Variants in TRIM44 observed in about 807,000 individuals in gnomAD.
TRIM44 encodes the protein tripartite motif containing 44, also known as tripartite motif-containing protein 44.
A neutral mutation model predicts 37.4 loss-of-function variants in TRIM44; 13 were observed. That is an observed-to-expected ratio of 0.35 (90% CI 0.23 to 0.55). The LOEUF (loss-of-function observed/expected upper bound fraction) is 0.55, where lower values mean the gene tolerates loss of function less well. Ranked by LOEUF, TRIM44 falls within the 20% of genes least tolerant of loss-of-function variation. The pLI, the probability that TRIM44 is intolerant of heterozygous loss-of-function variation, is 0.89. For synonymous variants in TRIM44, 175 were observed against 157.2 expected (o/e 1.11, Z -0.85); for missense variants, 426 against 437.2 (o/e 0.97, Z 0.23).
intron 4 of TRIM44, among the ~76,000 whole-genome samples, chr11:35,796,649 C>T (rs149683454): frequency 0.019 from 2,821 of 152,250 alleles, 48 homozygotes; most frequent in Non-Finnish European, 0.029. Flanking sequence ...GGAAAGGTTC[C>T]TTTCAGACCT....
chr11:35,795,412 G>T (rs1853269400), intron 4 of TRIM44, among the ~76,000 whole-genome samples: 1 of 151,954 alleles, frequency 6.6e-6, no homozygotes, highest in Non-Finnish European at 1.5e-5. Context: ...GGAGATGGTG[G>T]CAGCAGTGGA....
chr11:35,717,416 G>T (rs187348614), intron 2 of TRIM44, among the ~76,000 whole-genome samples: 33 of 152,098 alleles, frequency 2.2e-4, no homozygotes, highest in Admixed American at 5.2e-4. Context: ...TGGTGTCAAA[G>T]GTAGAAGTCA....
chr11:35,716,454 G>A (rs1399155316), intron 2 of TRIM44, among the ~76,000 whole-genome samples: 2 of 152,112 alleles, frequency 1.3e-5, no homozygotes, highest in East Asian at 1.9e-4. Context: ...TGTTTAGCAG[G>A]GAGTATTTGG....
intron 4 of TRIM44, among the ~76,000 whole-genome samples, chr11:35,791,685 C>T (rs555126210): frequency 1.1e-4 from 17 of 152,164 alleles, no homozygotes; most frequent in East Asian, 1.9e-4. Context: ...GCATACCCCC[C>T]GCTCCTTGCC....
intron 4 of TRIM44, among the ~76,000 whole-genome samples, chr11:35,786,720 A>G (rs1853134836): frequency 6.6e-6 from 1 of 152,140 alleles, no homozygotes. Context: ...AATGATACCT[A>G]TTATAATGCA....
chr11:35,704,738 C>T (rs1851849517), intron 2 of TRIM44, among the ~76,000 whole-genome samples: 1 of 152,148 alleles, frequency 6.6e-6, no homozygotes, highest in South Asian at 2.1e-4. Flanking sequence ...ACCAGGCCTG[C>T]CTTACAAGAG....
chr11:35,773,833 G>T (rs1169462824), intron 4 of TRIM44, among the ~76,000 whole-genome samples: 1 of 152,134 alleles, frequency 6.6e-6, no homozygotes, highest in African/African-American at 2.4e-5. Context: ...AGTATCCCGT[G>T]GTGTATATGT....
intron 2 of TRIM44, 39 bp downstream of exon 2, chr11:35,685,375 A>G (rs1851563389): frequency 6.4e-7 from 1 of 1,557,896 alleles, no homozygotes. Flanking sequence ...TTGGTACCCC[A>G]AGCATTTCAT....
At chr11:35,749,342 C>T (rs1276874806) in intron 4 of TRIM44, among the ~76,000 whole-genome samples, 1 of 152,140 alleles carries the variant, frequency 6.6e-6, no homozygotes, top group Non-Finnish European at 1.5e-5. Context: ...AAAACTTACC[C>T]AGTCCTTCTG....
rs1851286502 is a variant in TRIM44 at position 35,662,952 on chromosome 11, G to A, written c.-160G>A. The A allele has an allele frequency of 1.6e-6, 2 of 1,265,602 alleles. No individual in the cohort carries two copies. The highest frequency in any genetic ancestry group is 2.0e-6 in the Non-Finnish European group (2 of 975,960). The allele number at this position is 1,265,602 out of a possible 1,614,324, so 78.4% of individuals were successfully genotyped here. ...GTCTTTGCTGCTGCGCCCGGGCAGG[G>A]GCTGCCGCGGCCCCAGGTCCCGCTT... On this transcript the variant is annotated 5_prime_UTR_variant, in exon 1 of 5. Transcript: ENST00000299413.
At chr11:35,748,914 G>T (rs990014835) in intron 4 of TRIM44, among the ~76,000 whole-genome samples, 1 of 152,146 alleles carries the variant, frequency 6.6e-6, no homozygotes, top group African/African-American at 2.4e-5. Context: ...CAATGCAGAG[G>T]CTGTCCAAAA....
At position 35,808,535 on chromosome 11, in the gene TRIM44, T is replaced by C. The variant is rs981175199; in HGVS notation, c.*2150T>C. 6.6e-6 allele frequency: 1 copy of C among 152,210 alleles called. No homozygotes were observed. Among genetic ancestry groups the C allele is most frequent in the African/African-American group, 2.4e-5 (1 of 41,452 alleles). The allele number at this position is 152,210 out of a possible 1,614,324, so 9.4% of individuals were successfully genotyped here. On this transcript the variant is annotated 3_prime_UTR_variant, in exon 5 of 5. Transcript: ENST00000299413. ...TCCATATCTGATCATATGTTACTAC[T>C]TTGAATCAGTATTTGGGAAATTCAA...
intron 1 of TRIM44, 27 bp from the exon 2 acceptor site, chr11:35,685,232 G>T (rs3740798): frequency 6.3e-7 from 1 of 1,597,590 alleles, no homozygotes; most frequent in Non-Finnish European, 8.6e-7. Context: ...ATGCTGTCTA[G>T]TGACCCCTCA....
chr11:35,749,827 C>T (rs1396901098), intron 4 of TRIM44, among the ~76,000 whole-genome samples: 2 of 152,198 alleles, frequency 1.3e-5, no homozygotes. Context: ...GGGAGCTTGA[C>T]TGACACAGTA....
intron 2 of TRIM44, among the ~76,000 whole-genome samples, chr11:35,721,599 G>A (rs1215831456): frequency 6.6e-6 from 1 of 152,222 alleles, no homozygotes; most frequent in Non-Finnish European, 1.5e-5. Context: ...GGAGGCTTCT[G>A]AAGAAGATGA....
At chr11:35,673,946 C>T (rs948375848) in intron 1 of TRIM44, among the ~76,000 whole-genome samples, 9 of 151,796 alleles carry the variant, frequency 5.9e-5, no homozygotes, top group East Asian at 1.9e-4. Flanking sequence ...ATCAGTGCCT[C>T]GTATGTGTTC....
intron 1 of TRIM44, among the ~76,000 whole-genome samples, chr11:35,666,385 T>C (rs1851332571): frequency 6.6e-6 from 1 of 152,232 alleles, no homozygotes; most frequent in African/African-American, 2.4e-5. Context: ...ACTTTACATT[T>C]CTTAGAATCA....
intron 4 of TRIM44, among the ~76,000 whole-genome samples, chr11:35,746,050 G>T (rs981013568): frequency 3.3e-5 from 5 of 152,142 alleles, no homozygotes; most frequent in Non-Finnish European, 5.9e-5. Context: ...ATAGATTTAA[G>T]GATTTAGAGG....
In TRIM44 at chr11:35,742,800, A is replaced by AT. The variant is rs1181307334; in HGVS notation, c.1007+7356dup. Among the ~76,000 whole-genome samples the AT allele has an allele frequency of 2.1e-5, 3 of 140,932 alleles. No individual in the cohort carries two copies. The South Asian group carries it at 6.4e-4, about 30-fold the overall frequency. 92.5% of individuals were successfully genotyped at this position (140,932 alleles called of 152,430 possible). ...CATATAAATATACAATTATATTAAT[A>AT]TATTAAATATAATTATAATATTAAT... On this transcript the variant is annotated intron_variant, in intron 4 of 4. Transcript: ENST00000299413.
Sources: allele counts gnomAD v4.1 joint callset (sites outside exome capture counted in the v4.1 genomes callset), GRCh38; gene constraint gnomAD v4.1.1; transcripts MANE v1.5; gene names NCBI Gene and HGNC (gene_info 2026-07-23, HGNC 2026-07-21).